RSRC1: variants seen among roughly 807,000 people sequenced by gnomAD.
RSRC1 encodes serine/Arginine-related protein 53.
A neutral mutation model predicts 49.1 loss-of-function variants in RSRC1; 39 were observed. The ratio of observed to expected loss-of-function variants is 0.79; its 90% CI spans 0.61 to 1.04. The LOEUF (loss-of-function observed/expected upper bound fraction) is 1.04, where lower values mean the gene tolerates loss of function less well. RSRC1 is among the 50% of genes least tolerant of loss of function. The pLI, the probability that RSRC1 is intolerant of heterozygous loss-of-function variation, is 0.00. For missense variants in RSRC1, 388 were observed against 402.4 expected (o/e 0.96, Z 0.31); for synonymous variants, 143 against 130.8 (o/e 1.09, Z -0.63).
At chr3:158,229,270 G>T (rs1443799839) in intron 4 of RSRC1, among the ~76,000 whole-genome samples, 2 of 102,756 alleles carry the variant, frequency 1.9e-5, no homozygotes, top group Admixed American at 1.0e-4. Flanking sequence ...ATATGTGTAT[G>T]TATGTATATA....
chr3:158,516,795 C>T (rs982585162), intron 7 of RSRC1, among the ~76,000 whole-genome samples: 3 of 152,174 alleles, frequency 2.0e-5, no homozygotes, highest in Non-Finnish European at 2.9e-5. Flanking sequence ...ATATAATCTC[C>T]TGGTGCGCTA....
intron 7 of RSRC1, among the ~76,000 whole-genome samples, chr3:158,479,602 T>A (rs1490258318): frequency 1.3e-5 from 2 of 152,048 alleles, no homozygotes; most frequent in African/African-American, 4.8e-5. Flanking sequence ...CCCCTCCTTG[T>A]TCACCAGATA....
At chr3:158,400,643 T>G (rs926195649) in intron 6 of RSRC1, among the ~76,000 whole-genome samples, 1 of 152,020 alleles carries the variant, frequency 6.6e-6, no homozygotes, top group African/African-American at 2.4e-5. Flanking sequence ...ATAAAAAAGG[T>G]TAACACATAA....
intron 4 of RSRC1, among the ~76,000 whole-genome samples, chr3:158,253,839 G>A (rs145374489): frequency 7.2e-4 from 110 of 152,090 alleles, no homozygotes; most frequent in Admixed American, 4.9e-3. Context: ...ATAGGTATAC[G>A]TGTGTCATGT....
intron 3 of RSRC1, among the ~76,000 whole-genome samples, chr3:158,200,451 A>G (rs1299177551): frequency 6.6e-6 from 1 of 152,180 alleles, no homozygotes; most frequent in Non-Finnish European, 1.5e-5. Context: ...TAATTTGACA[A>G]ACTGCCTTTT....
intron 1 of RSRC1, among the ~76,000 whole-genome samples, chr3:158,111,998 G>A (rs1186663539): frequency 2.0e-5 from 3 of 152,178 alleles, no homozygotes; most frequent in East Asian, 3.8e-4. Flanking sequence ...ATCTCCTCCT[G>A]TAGTCATTAC....
chr3:158,461,659 A>C (rs981747989), intron 7 of RSRC1, among the ~76,000 whole-genome samples: 2 of 151,840 alleles, frequency 1.3e-5, no homozygotes, highest in Non-Finnish European at 2.9e-5. Context: ...GCTTAAAGCA[A>C]GATTCAGGCA....
intron 4 of RSRC1, among the ~76,000 whole-genome samples, chr3:158,224,802 A>G (rs574771582): frequency 4.1e-4 from 62 of 151,982 alleles, no homozygotes; most frequent in South Asian, 1.7e-3. Flanking sequence ...ATTTTTATGA[A>G]CAAGCTATGA....
intron 5 of RSRC1, among the ~76,000 whole-genome samples, chr3:158,334,155 A>G (rs1729725361): frequency 6.6e-6 from 1 of 152,200 alleles, no homozygotes; most frequent in Non-Finnish European, 1.5e-5. Flanking sequence ...AGAAGATACT[A>G]AAGCAGGGTT....
At chr3:158,316,850 A>T (rs1728493494) in intron 5 of RSRC1, among the ~76,000 whole-genome samples, 1 of 152,144 alleles carries the variant, frequency 6.6e-6, no homozygotes, top group Admixed American at 6.5e-5. Flanking sequence ...TCTGGCCCTA[A>T]ATCAAATAGT....
At chr3:158,378,845 A>G (rs1167847079) in intron 6 of RSRC1, among the ~76,000 whole-genome samples, 1 of 151,980 alleles carries the variant, frequency 6.6e-6, no homozygotes. Flanking sequence ...AAAACCTCAA[A>G]AGCAGTGAGG....
At chr3:158,444,959 A>G (rs1206079614) in intron 6 of RSRC1, among the ~76,000 whole-genome samples, 1 of 152,172 alleles carries the variant, frequency 6.6e-6, no homozygotes, top group Non-Finnish European at 1.5e-5. Context: ...ATGAGATACC[A>G]TCTCACACCA....
At chr3:158,354,665 A>G (rs1272454565) in intron 5 of RSRC1, among the ~76,000 whole-genome samples, 192 bp from the exon 6 acceptor site, 3 of 152,226 alleles carry the variant, frequency 2.0e-5, no homozygotes, top group African/African-American at 4.8e-5. Flanking sequence ...CTAGGAAAAA[A>G]AAATGAAAGA....
chr3:158,202,583 T>TATATATATA (rs1359595103), intron 3 of RSRC1, among the ~76,000 whole-genome samples: 18 of 140,462 alleles, frequency 1.3e-4, no homozygotes, highest in African/African-American at 3.3e-4. Flanking sequence ...TATATATATG[T>TATATATATA]TTTATCAATA....
chr3:158,243,023 T>A (rs1461887824), intron 4 of RSRC1, among the ~76,000 whole-genome samples: 1 of 152,234 alleles, frequency 6.6e-6, no homozygotes, highest in African/African-American at 2.4e-5. Flanking sequence ...GATGACAATT[T>A]CTTTTGCGTG....
At chr3:158,146,607 C>T (rs957929315) in intron 3 of RSRC1, among the ~76,000 whole-genome samples, 1 of 152,116 alleles carries the variant, frequency 6.6e-6, no homozygotes, top group South Asian at 2.1e-4. Flanking sequence ...TGTTGTGTCT[C>T]TGCCAGGCTT....
intron 7 of RSRC1, among the ~76,000 whole-genome samples, chr3:158,481,935 G>A (rs73172137): frequency 0.041 from 6,297 of 152,056 alleles, 186 homozygotes; most frequent in Middle Eastern, 0.13. Flanking sequence ...ACCTAGCACA[G>A]AGTGATTTGT....
At chr3:158,420,517 T>G (rs1222641620) in intron 6 of RSRC1, among the ~76,000 whole-genome samples, 2 of 151,890 alleles carry the variant, frequency 1.3e-5, no homozygotes, top group Admixed American at 1.3e-4. Flanking sequence ...GCTGTGTCAC[T>G]TTGAAGAAGT....
chr3:158,256,672 A>G (rs373443831), intron 4 of RSRC1, among the ~76,000 whole-genome samples: 6 of 152,282 alleles, frequency 3.9e-5, no homozygotes, highest in Admixed American at 1.3e-4. Flanking sequence ...TACCTCTAGT[A>G]GAATTCGGCT....
Sources: allele counts gnomAD v4.1 joint callset (sites outside exome capture counted in the v4.1 genomes callset), GRCh38; gene constraint gnomAD v4.1.1; transcripts MANE v1.5; gene names NCBI Gene and HGNC (gene_info 2026-07-23, HGNC 2026-07-21).